RBM33: variants seen among roughly 807,000 people sequenced by gnomAD.
RBM33 encodes the protein RNA binding motif protein 33.
A neutral mutation model predicts 132.6 loss-of-function variants in RBM33; 28 were observed. That is an observed-to-expected ratio of 0.21 (90% CI 0.16 to 0.29). The LOEUF is 0.29. RBM33 is among the 10% of genes least tolerant of loss of function. RBM33 has a pLI of 1.00. For synonymous variants in RBM33, 634 were observed against 593.0 expected (o/e 1.07, Z -1.01); for missense variants, 1,291 against 1,518.5 (o/e 0.85, Z 2.49).
At chr7:155,708,280 G>C (rs1800174328) in intron 7 of RBM33, among the ~76,000 whole-genome samples, 1 of 152,196 alleles carries the variant, frequency 6.6e-6, no homozygotes, top group Non-Finnish European at 1.5e-5. Flanking sequence ...TTATACAGCT[G>C]TTTTGTTTTT....
chr7:155,696,439 C>T lies in RBM33; in HGVS notation c.568-4334C>T, dbSNP rs1486566841. On this transcript the variant is annotated intron_variant, in intron 5 of 17. Transcript: ENST00000401878. The stretch of plus-strand genomic sequence containing the variant: ...TTCTTTCTTTTGTATCATTGACCTC[C>T]GGTACTCTGTGACTAGAAACATTCA... Among the ~76,000 whole-genome samples, 4 of 152,264 alleles carry T rather than the reference C, an allele frequency of 2.6e-5. No homozygotes were observed. The South Asian group carries it at 6.2e-4, about 24-fold the overall frequency.
chr7:155,761,184 C>G (rs904012657), intron 14 of RBM33, among the ~76,000 whole-genome samples: 29 of 152,134 alleles, frequency 1.9e-4, no homozygotes, highest in African/African-American at 6.8e-4. Context: ...AGGTGTGATC[C>G]CTTTTCCGTG....
At chr7:155,718,680 C>T (rs1800536299) in intron 9 of RBM33, among the ~76,000 whole-genome samples, 1 of 152,012 alleles carries the variant, frequency 6.6e-6, no homozygotes, top group South Asian at 2.1e-4. Context: ...AGTGGAATGC[C>T]GTTCGTCTTA....
intron 12 of RBM33, among the ~76,000 whole-genome samples, chr7:155,740,324 C>T (rs1044611287): frequency 2.0e-5 from 3 of 152,180 alleles, no homozygotes; most frequent in Non-Finnish European, 2.9e-5. Context: ...TTAATAGACA[C>T]GTAACTTTAG....
At chr7:155,648,170 A>G (rs1000818672) in intron 1 of RBM33, among the ~76,000 whole-genome samples, 18 of 152,328 alleles carry the variant, frequency 1.2e-4, no homozygotes, top group Admixed American at 1.2e-3. Flanking sequence ...CATACCCATC[A>G]CCTAGCATCA....
chr7:155,679,345 G>A (rs950135364), intron 4 of RBM33, among the ~76,000 whole-genome samples: 1 of 152,102 alleles, frequency 6.6e-6, no homozygotes, highest in South Asian at 2.1e-4. Context: ...ATTGCAGTTC[G>A]ATACTGCTGC....
chr7:155,742,821 A>G (rs1210691210), intron 13 of RBM33, among the ~76,000 whole-genome samples: 5 of 152,224 alleles, frequency 3.3e-5, no homozygotes, highest in African/African-American at 4.8e-5. Flanking sequence ...CACAAGCCTC[A>G]GTCTCCTCAT....
intron 4 of RBM33, among the ~76,000 whole-genome samples, chr7:155,679,102 G>A (rs1277805690): frequency 6.6e-6 from 1 of 152,196 alleles, no homozygotes. Flanking sequence ...ATCCACAGAG[G>A]TGGAGGTTGC....
intron 9 of RBM33, among the ~76,000 whole-genome samples, chr7:155,736,012 A>G (rs1300244249): frequency 1.3e-5 from 2 of 152,194 alleles, no homozygotes; most frequent in Admixed American, 1.3e-4. Flanking sequence ...TCTGTTGTAC[A>G]TGTTTCAATA....
chr7:155,750,792 A>G (rs954104896), intron 14 of RBM33, among the ~76,000 whole-genome samples: 45 of 151,768 alleles, frequency 3.0e-4, no homozygotes, highest in African/African-American at 1.0e-3. Context: ...AGCAAATACC[A>G]ATTCAGCTGC....
chr7:155,721,232 C>T (rs748299742), intron 9 of RBM33, among the ~76,000 whole-genome samples: 1 of 151,998 alleles, frequency 6.6e-6, no homozygotes, highest in Non-Finnish European at 1.5e-5. Flanking sequence ...GCTAAACACC[C>T]GTGCCAGAGT....
chr7:155,645,252 C>T lies in RBM33; in HGVS notation c.43+333C>T, dbSNP rs1001041093. 4 of 270,896 alleles carry T rather than the reference C, an allele frequency of 1.5e-5. No homozygotes were observed. The East Asian group carries it at 2.0e-4, about 13-fold the overall frequency. 16.8% of individuals were successfully genotyped at this position (270,896 alleles called of 1,614,324 possible). ...GTCCTATGGGTAGGAGAGCGCCCCC[C>T]CCACCCCCCGAGACAGTGTCACTTA... On this transcript the variant is annotated intron_variant, in intron 1 of 17. Transcript: ENST00000401878.
chr7:155,774,716 C>A lies in RBM33; in HGVS notation c.3464+69C>A. 1 of 1,244,830 alleles carries A rather than the reference C, an allele frequency of 8.0e-7. No individual in the cohort carries two copies. The highest frequency in any genetic ancestry group is 1.2e-6 in the Non-Finnish European group (1 of 843,532). The allele number at this position is 1,244,830 out of a possible 1,614,324, so 77.1% of individuals were successfully genotyped here. ...CAAGGCCCTCCTTCCTGTGCCCTCC[C>A]ATCCATCATGGTAGCAAGCGTGTGT... On this transcript the variant is annotated intron_variant, in intron 17 of 17. Coordinates refer to ENST00000401878, the MANE Select transcript of RBM33 (RefSeq NM_053043.3). The surrounding 1 kb of genome is among the most constrained non-coding windows in gnomAD (Gnocchi z 4.2).
chr7:155,716,339 G>A (rs1800464005), intron 8 of RBM33, among the ~76,000 whole-genome samples: 1 of 34,784 alleles, frequency 2.9e-5, no homozygotes. Context: ...TTTTAAATAG[G>A]GAAAAGGCTG....
chr7:155,739,818 A>G lies in RBM33; in HGVS notation c.1841A>G (p.Gln614Arg). 5.8e-6 allele frequency: 2 copies of G among 346,420 alleles called. No individual in the cohort carries two copies. The highest frequency in any genetic ancestry group is 8.5e-6 in the Non-Finnish European group (2 of 234,210). 21.5% of individuals were successfully genotyped at this position (346,420 alleles called of 1,614,324 possible). The change falls in exon 12 of 18, where the codon CAG (glutamine) becomes CGG (arginine). Residue 614 changes from glutamine to arginine, a missense_variant. Transcript: ENST00000401878. ...QHQPPHQPPH[Q>R]PPPQHQPPPQ... Reference sequence around the variant, plus strand: ...CAGCCTCCGCACCAGCCCCCGCACCAGCCCCCGCCCCAGCACCAGCCCCCA... The same window carrying G: ...CAGCCTCCGCACCAGCCCCCGCACCGGCCCCCGCCCCAGCACCAGCCCCCA...
chr7:155,742,058 A>C lies in RBM33; in HGVS notation c.2289A>C (p.Pro763=), dbSNP rs1245811330. The C allele has an allele frequency of 6.2e-7, 1 of 1,613,892 alleles. No homozygotes were observed. Among genetic ancestry groups the C allele is most frequent in the Non-Finnish European group, 8.5e-7 (1 of 1,179,904 alleles). ...GAAAGACGGAAGTGAAAGTCAAGCC[A>C]GCTAGCCCTGTGGCTCAACCTAAAG... ...SQGKTEVKVK[P]ASPVAQPKEE... The change falls in exon 13 of 18, where the codon CCA becomes CCC. Residue 763 remains proline, a synonymous_variant. Coordinates refer to ENST00000401878, the MANE Select transcript of RBM33 (RefSeq NM_053043.3).
chr7:155,665,182 C>G lies in RBM33; in HGVS notation c.51C>G (p.Asp17Glu). 1 of 1,613,756 alleles carries G rather than the reference C, an allele frequency of 6.2e-7. No individual in the cohort carries two copies. The highest frequency in any genetic ancestry group is 8.5e-7 in the Non-Finnish European group (1 of 1,179,714). ...AATGGACTGTTCTCATAGATGATGA[C>G]TTTGACCAGTTTGATAAGCCTGGCG... ...ASGGAGAGDD[D>E]FDQFDKPGAE... is the part of the protein sequence containing the mutation. Residue 17 changes from aspartate (D) to glutamate (E), a missense_variant, in exon 2 of 18, where the codon GAC (aspartate) becomes GAG (glutamate). Asp to Glu is a conservative substitution (Grantham distance 45). Transcript: ENST00000401878.
intron 3 of RBM33, among the ~76,000 whole-genome samples, chr7:155,673,768 G>GCGCGCGCGCACTCACACACACA (rs1554469952): frequency 1.5e-5 from 2 of 132,962 alleles, no homozygotes; most frequent in African/African-American, 6.5e-5. Context: ...GCGCATGCGC[G>GCGCGCGCGCACTCACACACACA]CACACACACA....
chr7:155,667,512 A>T (rs1585412919), intron 2 of RBM33, among the ~76,000 whole-genome samples: 1 of 152,326 alleles, frequency 6.6e-6, no homozygotes, highest in Admixed American at 6.5e-5. Context: ...TTCAAGATTC[A>T]ATTCAGGATC....
Sources: gnomAD v4.1 joint callset for allele counts (sites outside exome capture counted in the v4.1 genomes callset) on GRCh38, gnomAD v4.1.1 for gene constraint, Gnocchi (gnomAD v3.1) non-coding constraint, MANE v1.5 for transcripts, NCBI Gene and HGNC (gene_info 2026-07-23, HGNC 2026-07-21) for gene names.